CRYAB: variants seen among roughly 807,000 people sequenced by gnomAD.
CRYAB encodes the protein crystallin alpha B.
Under a neutral mutation model 12.7 loss-of-function variants are expected in CRYAB, and 9 were observed. That is an observed-to-expected ratio of 0.71 (90% CI 0.43 to 1.24). The LOEUF (loss-of-function observed/expected upper bound fraction) is 1.24, where lower values mean the gene tolerates loss of function less well. CRYAB is among the 50% of genes most tolerant of loss of function. The pLI, the probability that CRYAB is intolerant of heterozygous loss-of-function variation, is 0.00. For synonymous variants in CRYAB, 93 were observed against 86.8 expected, an observed-to-expected ratio of 1.07 and a Z score of -0.40; for missense variants, 183 against 226.6, an observed-to-expected ratio of 0.81 and a Z score of 1.24.
chr11:111,918,741 G>C (rs1555166269), intron 1 of CRYAB: 1 of 682,766 alleles, frequency 1.5e-6, no homozygotes, highest in East Asian at 2.7e-5. Context: ...TTCAAATCCT[G>C]AAGTTGAGAT....
upstream of CRYAB, chr11:111,914,223 T>A: frequency 3.9e-6 from 1 of 255,534 alleles, no homozygotes; most frequent in South Asian, 1.0e-4. Flanking sequence ...GAGCTCGCAC[T>A]TGGATGCTGA....
upstream of CRYAB, chr11:111,912,736 C>T: frequency 1.1e-6 from 1 of 942,096 alleles, no homozygotes; most frequent in South Asian, 1.5e-5. Context: ...GCCCCCACCT[C>T]CTATCGAGCC....
chr11:111,910,861 T>C, intron 1 of CRYAB: 1 of 314,486 alleles, frequency 3.2e-6, no homozygotes, highest in South Asian at 3.1e-5. Context: ...CTGGTCCTGC[T>C]TGTCCTTCCA....
Position 111,910,414 on chromosome 11 carries a change from C to G in CRYAB, c.237G>C (p.Leu79=). The change falls in exon 2 of 3, where the codon CTG becomes CTC. Residue 79 remains leucine (L), a synonymous_variant. Transcript: ENST00000650687. ...RLEKDRFSVN[L]DVKHFSPEEL... Reference sequence around the variant, plus strand: ...CCTCTGGGGAGAAGTGCTTCACATCCAGGTTGACAGAGAACCTGTCCTTCT... The same window carrying G: ...CCTCTGGGGAGAAGTGCTTCACATCGAGGTTGACAGAGAACCTGTCCTTCT... 2 of 1,614,210 alleles carry G rather than the reference C, an allele frequency of 1.2e-6. No homozygotes were observed.
chr11:111,923,581 T>C (rs1965735573), intron 1 of CRYAB: 1 of 152,156 alleles, frequency 6.6e-6, no homozygotes, highest in Admixed American at 6.5e-5. Context: ...CAGTGTTGTC[T>C]CTCTGGCATC....
intron 1 of CRYAB, 32 bp downstream of exon 1, chr11:111,911,492 G>A: frequency 6.3e-7 from 1 of 1,585,748 alleles, no homozygotes; most frequent in Non-Finnish European, 8.6e-7. Context: ...TTCCAGTAAG[G>A]ACTCTCCCGT....
At chr11:111,913,623 G>C, upstream of CRYAB, 2 of 1,614,200 alleles carry the variant, frequency 1.2e-6, no homozygotes, top group Non-Finnish European at 1.7e-6. Context: ...TGTGAGGACT[G>C]TGGATAACCT....
upstream of CRYAB, among the ~76,000 whole-genome samples, chr11:111,914,405 ACTGT>A (rs1347499241): frequency 5.3e-5 from 8 of 152,164 alleles, no homozygotes; most frequent in Non-Finnish European, 1.0e-4. Context: ...GGGTCTCCAG[ACTGT>A]CTGGCCCTTT....
chr11:111,923,366 T>C (rs1454282618), intron 1 of CRYAB, among the ~76,000 whole-genome samples: 1 of 152,164 alleles, frequency 6.6e-6, no homozygotes, highest in African/African-American at 2.4e-5. Flanking sequence ...AAATCCTGAC[T>C]TTTTCCCCAC....
In CRYAB at chr11:111,919,042, C is replaced by T. The variant is rs782523540; in HGVS notation, c.-199+4661G>A. 9 of 1,612,428 alleles carry T rather than the reference C, an allele frequency of 5.6e-6. No individual in the cohort carries two copies. In the East Asian group the frequency reaches 2.0e-4, roughly 36 times the overall value. On this transcript the variant is annotated intron_variant, in intron 1 of 3. Transcript: ENST00000527950. Reference sequence around the variant, plus strand: ...GAAGGGCAAAGGGGAACATCTATCTCTGTTGGTGGATGTAGAGGCCCCGAA... The same window carrying T: ...GAAGGGCAAAGGGGAACATCTATCTTTGTTGGTGGATGTAGAGGCCCCGAA...
At chr11:111,919,235 G>A (rs1259676837) in intron 1 of CRYAB, 15 of 545,566 alleles carry the variant, frequency 2.7e-5, no homozygotes, top group South Asian at 2.7e-4. Flanking sequence ...AGCACTTTGG[G>A]AGGCCGAGGC....
chr11:111,910,756 T>A (rs962398657), intron 1 of CRYAB: 1 of 444,952 alleles, frequency 2.2e-6, no homozygotes, highest in Non-Finnish European at 4.2e-6. Flanking sequence ...CTGACTCCAA[T>A]GCCTGGCTTT....
At chr11:111,922,192 A>G (rs1555166612) in intron 1 of CRYAB, among the ~76,000 whole-genome samples, 1 of 152,200 alleles carries the variant, frequency 6.6e-6, no homozygotes. Flanking sequence ...AATTTGCTGA[A>G]GTTCTCACAG....
chr11:111,917,647 T>TA (rs782257276), upstream of CRYAB, among the ~76,000 whole-genome samples: 88 of 136,584 alleles, frequency 6.4e-4, no homozygotes, highest in Middle Eastern at 3.7e-3. Context: ...CACATTAATT[T>TA]AAAAAAAAAA....
At chr11:111,913,384 C>T, upstream of CRYAB, 1 of 1,373,834 alleles carries the variant, frequency 7.3e-7, no homozygotes, top group Middle Eastern at 1.9e-4. Flanking sequence ...CCCATTTCGC[C>T]CCTGTGCCAG....
chr11:111,913,855 A>T, upstream of CRYAB: 1 of 1,613,124 alleles, frequency 6.2e-7, no homozygotes, highest in Non-Finnish European at 8.5e-7. Context: ...GCGCCTCCTG[A>T]TCCAGAGGAA....
At position 111,911,751 on chromosome 11, in the gene CRYAB, G is replaced by C; in HGVS notation, c.-27C>G. ...GTGGCTAGGTGAGTGTGAGGGGTCA[G>C]CTGGCTGGTCAGCTCCTTCAGCTGC... On this transcript the variant is annotated 5_prime_UTR_variant, in exon 1 of 3. Coordinates refer to ENST00000650687, the MANE Select transcript of CRYAB (RefSeq NM_001289808.2). The C allele has an allele frequency of 2.6e-6, 4 of 1,517,272 alleles. No homozygotes were observed. Among genetic ancestry groups the C allele is most frequent in the Non-Finnish European group, 2.7e-6 (3 of 1,111,676 alleles). 94.0% of individuals were successfully genotyped at this position (1,517,272 alleles called of 1,614,324 possible).
chr11:111,918,818 T>A (rs1965638141), intron 1 of CRYAB: 1 of 778,822 alleles, frequency 1.3e-6, no homozygotes, highest in Non-Finnish European at 2.2e-6. Context: ...TGGGAATCAT[T>A]CCAGCAGGTG....
At chr11:111,919,247 G>A (rs1209960062) in intron 1 of CRYAB, 47 of 524,000 alleles carry the variant, frequency 9.0e-5, no homozygotes, top group Non-Finnish European at 9.0e-5. Flanking sequence ...GGCCGAGGCC[G>A]GCGGATCACG....
Sources: allele counts gnomAD v4.1 joint callset (sites outside exome capture counted in the v4.1 genomes callset), GRCh38; gene constraint gnomAD v4.1.1; transcripts MANE v1.5; gene names NCBI Gene and HGNC (gene_info 2026-07-23, HGNC 2026-07-21).